SLC9A2: variants seen among roughly 807,000 people sequenced by gnomAD.
SLC9A2 encodes solute carrier family 9 member A2.
SLC9A2 carries 42 observed loss-of-function variants against 71.7 expected under a neutral mutation model. That is an observed-to-expected ratio of 0.59 (90% CI 0.46 to 0.76). The LOEUF (loss-of-function observed/expected upper bound fraction) is 0.76, where lower values mean the gene tolerates loss of function less well. Among genes scored for constraint, SLC9A2 ranks in the 30% least tolerant of loss-of-function variants. The pLI, the probability that SLC9A2 is intolerant of heterozygous loss-of-function variation, is 0.00. For synonymous variants in SLC9A2, 396 were observed against 392.5 expected, an observed-to-expected ratio of 1.01 and a Z score of -0.10; for missense variants, 829 against 1,017.4, an observed-to-expected ratio of 0.81 and a Z score of 2.52.
chr2:102,691,346 C>T lies in SLC9A2; in HGVS notation c.1426-3068C>T, dbSNP rs114520164. ...GCTCTTTGATTTTTCTAAGCCTTAT[C>T]GGGTTACTCCCTGGGTGATCTAAAT... is the stretch of plus-strand genomic sequence containing the variant. On this transcript the variant is annotated intron_variant, in intron 5 of 11. Transcript: ENST00000233969. Among the ~76,000 whole-genome samples the T allele has an allele frequency of 3.8e-3, 581 of 152,262 alleles. 3 individuals are homozygous for T. The highest frequency in any genetic ancestry group is 0.013 in the African/African-American group (545 of 41,566).
At position 102,627,734 on chromosome 2, in the gene SLC9A2, T is replaced by C. The variant is rs76671051; in HGVS notation, c.289+7597T>C. On this transcript the variant is annotated intron_variant, in intron 1 of 11. Transcript: ENST00000233969. ...TCTGCTCTTACATTTATGATTTACT[T>C]ACTTCAGCTTTCTTTGGGTTTATTT... Among the ~76,000 whole-genome samples the C allele has an allele frequency of 8.7e-4, 133 of 152,286 alleles. 1 individual carries two copies. In the East Asian group the frequency reaches 0.022, roughly 25 times the overall value.
At chr2:102,632,041 TACAC>T (rs1463699292) in intron 1 of SLC9A2, among the ~76,000 whole-genome samples, 1 of 91,698 alleles carries the variant, frequency 1.1e-5, no homozygotes, top group Non-Finnish European at 2.1e-5. Context: ...TATATATACA[TACAC>T]ACACACATAT....
At chr2:102,656,499 T>C (rs1217127046) in intron 1 of SLC9A2, among the ~76,000 whole-genome samples, 1 of 152,210 alleles carries the variant, frequency 6.6e-6, no homozygotes, top group Non-Finnish European at 1.5e-5. Context: ...GAGTAAGTCG[T>C]AAATACATTT....
chr2:102,658,969 T>C (rs1272856369), intron 2 of SLC9A2, among the ~76,000 whole-genome samples: 2 of 152,214 alleles, frequency 1.3e-5, no homozygotes, highest in African/African-American at 4.8e-5. Context: ...GCTCACTTTG[T>C]GCTCAGGTCT....
At chr2:102,638,519 A>G (rs549982236) in intron 1 of SLC9A2, among the ~76,000 whole-genome samples, 3 of 152,242 alleles carry the variant, frequency 2.0e-5, no homozygotes, top group Non-Finnish European at 4.4e-5. Context: ...CTCAGGAGGC[A>G]CTGTGTTAAG....
chr2:102,636,756 T>C (rs909444887), intron 1 of SLC9A2, among the ~76,000 whole-genome samples: 4 of 152,196 alleles, frequency 2.6e-5, no homozygotes, highest in East Asian at 1.9e-4. Flanking sequence ...GTTCTGACTC[T>C]AGGTTATAGT....
intron 5 of SLC9A2, among the ~76,000 whole-genome samples, chr2:102,688,771 A>G (rs1677604345): frequency 1.3e-5 from 2 of 152,280 alleles, no homozygotes; most frequent in South Asian, 4.1e-4. Flanking sequence ...TTGTAACGAA[A>G]GAAAGAAAAA....
intron 1 of SLC9A2, among the ~76,000 whole-genome samples, chr2:102,625,312 A>G (rs951393240): frequency 6.6e-6 from 1 of 152,176 alleles, no homozygotes; most frequent in Admixed American, 6.6e-5. Flanking sequence ...CTTTAAAATA[A>G]TAGATTTTTT....
rs530520565 is a variant in SLC9A2, at chr2:102,648,884, A to G, written c.290-8680A>G. Among the ~76,000 whole-genome samples, 63 of 152,358 alleles carry G rather than the reference A, an allele frequency of 4.1e-4. 1 individual carries two copies. The highest frequency in any genetic ancestry group is 8.5e-4 in the Admixed American group (13 of 15,304). The stretch of plus-strand genomic sequence containing the variant: ...CCATGCTCATGGATAGGAAGAATCA[A>G]TATCATGAAAATGTCTATACTGCCC... On this transcript the variant is annotated intron_variant, in intron 1 of 11. Transcript: ENST00000233969.
At chr2:102,678,099 C>T (rs994760566) in intron 3 of SLC9A2, among the ~76,000 whole-genome samples, 5 of 152,128 alleles carry the variant, frequency 3.3e-5, no homozygotes, top group Non-Finnish European at 2.9e-5. Flanking sequence ...CTTTCCTGCA[C>T]TTCTATAGTA....
At chr2:102,708,004 C>A (rs1208834815) in intron 11 of SLC9A2, 115 bp from the exon 12 acceptor site, 1 of 1,136,982 alleles carries the variant, frequency 8.8e-7, no homozygotes, top group Non-Finnish European at 1.3e-6. Flanking sequence ...TGCTAGCCTC[C>A]CCTCTCCCCA....
chr2:102,650,507 A>C (rs2104514698), intron 1 of SLC9A2, among the ~76,000 whole-genome samples: 1 of 152,318 alleles, frequency 6.6e-6, no homozygotes, highest in Non-Finnish European at 1.5e-5. Flanking sequence ...ATAATTAAAA[A>C]AGAATTATTT....
At chr2:102,679,658 G>A (rs72999569) in intron 3 of SLC9A2, among the ~76,000 whole-genome samples, 8,463 of 152,218 alleles carry the variant, frequency 0.056, 452 homozygotes, top group African/African-American at 0.14. Flanking sequence ...GACTACAGGC[G>A]TGAGCCACTG....
At chr2:102,701,004 G>C in intron 7 of SLC9A2, 66 bp from the exon 8 acceptor site, 1 of 1,186,152 alleles carries the variant, frequency 8.4e-7, no homozygotes, top group Non-Finnish European at 1.2e-6. Context: ...GACTTCATTG[G>C]TAAAAACAAC....
At chr2:102,664,474 CACAT>C (rs1677099434) in intron 2 of SLC9A2, among the ~76,000 whole-genome samples, 2 of 151,156 alleles carry the variant, frequency 1.3e-5, no homozygotes, top group African/African-American at 4.9e-5. Flanking sequence ...CACACACACA[CACAT>C]ACATATGAGT....
intron 3 of SLC9A2, among the ~76,000 whole-genome samples, chr2:102,668,293 T>A (rs965538965): frequency 2.0e-5 from 3 of 152,172 alleles, no homozygotes; most frequent in Non-Finnish European, 4.4e-5. Flanking sequence ...TGCGGGGTAA[T>A]CAGTATGCCA....
chr2:102,640,951 G>A (rs1676564624), intron 1 of SLC9A2, among the ~76,000 whole-genome samples: 3 of 152,178 alleles, frequency 2.0e-5, no homozygotes, highest in Admixed American at 6.5e-5. Context: ...CAGACACGAA[G>A]ACTGAATATT....
intron 6 of SLC9A2, 138 bp downstream of exon 6, chr2:102,694,641 T>C (rs552480079): frequency 4.4e-6 from 2 of 450,880 alleles, no homozygotes; most frequent in East Asian, 3.3e-5. Context: ...CTGAAGAAGG[T>C]ATTTGCTGGG....
At chr2:102,645,358 AGGGCT>A (rs779276606) in intron 1 of SLC9A2, among the ~76,000 whole-genome samples, 22 of 152,228 alleles carry the variant, frequency 1.4e-4, no homozygotes, top group Non-Finnish European at 2.6e-4. Context: ...CCAGTGCAGA[AGGGCT>A]GAATATTCCA....
Sources: gnomAD v4.1 joint callset for allele counts (sites outside exome capture counted in the v4.1 genomes callset) on GRCh38, gnomAD v4.1.1 for gene constraint, MANE v1.5 for transcripts, NCBI Gene and HGNC (gene_info 2026-07-23, HGNC 2026-07-21) for gene names.